CDC42BPB: variants seen among roughly 807,000 people sequenced by gnomAD.
CDC42BPB encodes the protein CDC42 binding protein kinase beta.
CDC42BPB carries 37 observed loss-of-function variants against 214.9 expected under a neutral mutation model. That is an observed-to-expected ratio of 0.17 (90% CI 0.13 to 0.23). CDC42BPB has a LOEUF of 0.23. CDC42BPB is among the 10% of genes least tolerant of loss of function. CDC42BPB has a pLI of 1.00. For missense variants in CDC42BPB, 1,694 were observed against 2,227.0 expected, an observed-to-expected ratio of 0.76 and a Z score of 4.82; for synonymous variants, 931 against 884.0, an observed-to-expected ratio of 1.05 and a Z score of -0.94.
chr14:103,019,301 C>G (rs1295944570), intron 1 of CDC42BPB, among the ~76,000 whole-genome samples: 2 of 152,174 alleles, frequency 1.3e-5, no homozygotes, highest in Non-Finnish European at 2.9e-5. Flanking sequence ...CCAGGCTAAC[C>G]AGCCAGCACT....
intron 36 of CDC42BPB, among the ~76,000 whole-genome samples, chr14:102,936,567 G>A (rs569513349): frequency 6.8e-6 from 1 of 146,996 alleles, no homozygotes; most frequent in African/African-American, 2.5e-5. Flanking sequence ...GAAATCACAG[G>A]AAACTACTGG....
intron 1 of CDC42BPB, 159 bp from the exon 2 acceptor site, chr14:103,012,347 T>C: frequency 1.0e-6 from 1 of 957,560 alleles, no homozygotes; most frequent in Non-Finnish European, 1.2e-6. Flanking sequence ...CTTATACCAA[T>C]GGACACAGAT....
chr14:102,988,004 C>T (rs1390333479), intron 5 of CDC42BPB, among the ~76,000 whole-genome samples: 1 of 152,082 alleles, frequency 6.6e-6, no homozygotes, highest in East Asian at 1.9e-4. Flanking sequence ...CACACACAAA[C>T]ACACACGCAC....
Position 103,055,641 on chromosome 14 carries a change from A to G in CDC42BPB, c.175+1358T>C, listed in dbSNP as rs1888907324. On this transcript the variant is annotated intron_variant, in intron 1 of 36. Coordinates refer to ENST00000361246, the MANE Select transcript of CDC42BPB (RefSeq NM_006035.4). Reference sequence around the variant, plus strand: ...AGCATCACAGGCTGTCCTTGATCTCAGGACCTCTTTCTACTGCTGCTCTCA... The same window carrying G: ...AGCATCACAGGCTGTCCTTGATCTCGGGACCTCTTTCTACTGCTGCTCTCA... Among the ~76,000 whole-genome samples, 5 of 152,254 alleles carry G rather than the reference A, an allele frequency of 3.3e-5. No homozygotes were observed. In the South Asian group the frequency reaches 1.0e-3, roughly 32 times the overall value.
intron 1 of CDC42BPB, among the ~76,000 whole-genome samples, chr14:103,047,827 C>T (rs1034821637): frequency 7.4e-5 from 11 of 147,810 alleles, no homozygotes; most frequent in Admixed American, 2.7e-4. Flanking sequence ...CTGCTTGAAC[C>T]GGGAGGTGGA....
At chr14:103,038,140 T>C (rs1887774885) in intron 1 of CDC42BPB, among the ~76,000 whole-genome samples, 1 of 150,916 alleles carries the variant, frequency 6.6e-6, no homozygotes. Flanking sequence ...ATCAAGACCA[T>C]CCTGGTCAAC....
In CDC42BPB at chr14:102,960,793, T is replaced by G. The variant is rs1413516709; in HGVS notation, c.2822-1083A>C. On this transcript the variant is annotated intron_variant, in intron 20 of 36. Transcript: ENST00000361246. ...TGGTATTGGACAACCAGCTAGCCATTAGCAAAAGATAAAACTGGATACACT... is the reference window on the plus strand; with the variant it reads ...TGGTATTGGACAACCAGCTAGCCATGAGCAAAAGATAAAACTGGATACACT... Among the ~76,000 whole-genome samples the G allele has an allele frequency of 3.9e-5, 6 of 152,206 alleles. No individual in the cohort carries two copies. The East Asian group carries it at 7.7e-4, about 20-fold the overall frequency.
chr14:102,961,642 C>G (rs1374041039), intron 20 of CDC42BPB, among the ~76,000 whole-genome samples: 1 of 151,974 alleles, frequency 6.6e-6, no homozygotes, highest in Non-Finnish European at 1.5e-5. Flanking sequence ...GGTTCAAGTT[C>G]AAACAATACT....
chr14:103,031,934 A>C (rs1005138874), intron 1 of CDC42BPB, among the ~76,000 whole-genome samples: 4 of 152,142 alleles, frequency 2.6e-5, no homozygotes, highest in African/African-American at 9.7e-5. Context: ...TGTCAACTCC[A>C]AAGTGTCTCC....
Position 102,944,773 on chromosome 14 carries a change from C to T in CDC42BPB, c.3812-286G>A. On this transcript the variant is annotated intron_variant, in intron 29 of 36. Transcript: ENST00000361246. This position sits in a 1 kb window ranked among gnomAD's most constrained non-coding sequence, Gnocchi z 6.6. ...CTGCTGCTGTGCACACCCCTCAGTG[C>T]ACCAGGGCTCCAGCTGGGCAGCGCT... 1 of 615,664 alleles carries T rather than the reference C, an allele frequency of 1.6e-6. No individual in the cohort carries two copies. The highest frequency in any genetic ancestry group is 2.0e-6 in the Non-Finnish European group (1 of 492,390). The allele number at this position is 615,664 out of a possible 1,614,324, so 38.1% of individuals were successfully genotyped here.
At chr14:103,021,611 C>T (rs1460462566) in intron 1 of CDC42BPB, among the ~76,000 whole-genome samples, 1 of 151,114 alleles carries the variant, frequency 6.6e-6, no homozygotes, top group Admixed American at 6.6e-5. Flanking sequence ...ATCCAGGAGG[C>T]AGAGGTTGCA....
In CDC42BPB at chr14:102,944,060, G is replaced by A. The variant is rs968226449; in HGVS notation, c.4239C>T (p.Asp1413=). 1.9e-6 allele frequency: 3 copies of A among 1,613,606 alleles called. No individual in the cohort carries two copies. Among genetic ancestry groups the A allele is most frequent in the South Asian group, 1.1e-5 (1 of 91,088 alleles). Residue 1413 remains aspartate (D), a synonymous_variant, in exon 30 of 37, where the codon GAC becomes GAT. Transcript: ENST00000361246. The surrounding 1 kb of genome is among the most constrained non-coding windows in gnomAD (Gnocchi z 6.6). The part of the protein sequence containing the change: ...GQPLNLVNPN[D]PSLAFLSQQS... ...GTTGTGAGAGGAACGCAAGCGAGGGGTCATTGGGATTTACCAGGTTTAGAG... is the reference window on the plus strand; with the variant it reads ...GTTGTGAGAGGAACGCAAGCGAGGGATCATTGGGATTTACCAGGTTTAGAG...
chr14:103,022,660 TA>T (rs1407749841), intron 1 of CDC42BPB, among the ~76,000 whole-genome samples: 12 of 152,330 alleles, frequency 7.9e-5, no homozygotes, highest in Non-Finnish European at 1.3e-4. Flanking sequence ...ATCCAGCTGT[TA>T]GGGGGCAGGG....
At chr14:102,971,139 G>A (rs372231340) in intron 13 of CDC42BPB, among the ~76,000 whole-genome samples, 4 of 152,236 alleles carry the variant, frequency 2.6e-5, no homozygotes, top group East Asian at 1.9e-4. Context: ...TATCCAGAAC[G>A]GTGTAGCAAA....
intron 5 of CDC42BPB, among the ~76,000 whole-genome samples, chr14:102,987,731 CAAAT>C (rs1008203784): frequency 3.3e-5 from 5 of 151,852 alleles, no homozygotes; most frequent in African/African-American, 1.2e-4. Context: ...AAAATATCCT[CAAAT>C]AAACATTCAG....
chr14:103,015,789 A>G (rs1330967984), intron 1 of CDC42BPB, among the ~76,000 whole-genome samples: 1 of 151,128 alleles, frequency 6.6e-6, no homozygotes, highest in East Asian at 2.0e-4. Context: ...GCTCACTGCA[A>G]CCTCCGCCTC....
chr14:102,938,478 T>C, intron 34 of CDC42BPB, 67 bp from the exon 35 acceptor site: 3 of 1,501,348 alleles, frequency 2.0e-6, no homozygotes, highest in South Asian at 2.7e-5. Context: ...GCGAAGTTTG[T>C]GCAACCTACG....
intron 20 of CDC42BPB, among the ~76,000 whole-genome samples, chr14:102,961,805 A>G (rs574182645): frequency 6.6e-6 from 1 of 152,312 alleles, no homozygotes; most frequent in Non-Finnish European, 1.5e-5. Context: ...AGCCTCCCGA[A>G]GTGTTGGGAT....
chr14:102,967,022 C>A (rs1893239242), intron 17 of CDC42BPB, 24 bp downstream of exon 17: 1 of 1,608,674 alleles, frequency 6.2e-7, no homozygotes, highest in African/African-American at 1.3e-5. Context: ...GGATTCACGG[C>A]CGCTAATGGG....
Sources: gnomAD v4.1 joint callset for allele counts (sites outside exome capture counted in the v4.1 genomes callset) on GRCh38, gnomAD v4.1.1 for gene constraint, Gnocchi (gnomAD v3.1) non-coding constraint, MANE v1.5 for transcripts, NCBI Gene and HGNC (gene_info 2026-07-23, HGNC 2026-07-21) for gene names.